The following CRB1 variants were observed in gnomAD, a reference collection of about 807,000 sequenced individuals.
CRB1 encodes the protein crumbs cell polarity complex component 1.
In CRB1, 83 loss-of-function variants were observed where a neutral mutation model predicts 120.0. That is an observed-to-expected ratio of 0.69 (90% CI 0.58 to 0.83). CRB1 has a LOEUF of 0.83. Ranked by LOEUF, CRB1 falls within the 40% of genes least tolerant of loss-of-function variation. The probability of loss-of-function intolerance (pLI) is 0.00; values close to 1 mark genes in which losing one functional copy is unlikely to be tolerated. For synonymous variants in CRB1, 625 were observed against 612.5 expected, an observed-to-expected ratio of 1.02 and a Z score of -0.30; for missense variants, 1,699 against 1,687.6, an observed-to-expected ratio of 1.01 and a Z score of -0.12.
chr1:197,298,565 G>A (rs1418277617), intron 1 of CRB1, among the ~76,000 whole-genome samples: 1 of 152,006 alleles, frequency 6.6e-6, no homozygotes, highest in African/African-American at 2.4e-5. Flanking sequence ...GAATAACAAA[G>A]AATAAAACTG....
the CRB1 span, among the ~76,000 whole-genome samples, chr1:197,246,615 A>G: frequency 6.6e-6 from 1 of 152,056 alleles, no homozygotes; most frequent in Non-Finnish European, 1.5e-5. Flanking sequence ...TGTCTACTAC[A>G]GTTTCCTGGA....
chr1:197,317,535 C>A (rs536086610), intron 1 of CRB1, among the ~76,000 whole-genome samples: 1 of 152,052 alleles, frequency 6.6e-6, no homozygotes, highest in South Asian at 2.1e-4. Context: ...CCCAAATTAC[C>A]CAAGCAATCT....
At chr1:197,417,602 T>G (rs1483321979) in intron 5 of CRB1, among the ~76,000 whole-genome samples, 1 of 152,218 alleles carries the variant, frequency 6.6e-6, no homozygotes, top group African/African-American at 2.4e-5. Flanking sequence ...AACGTCTGCC[T>G]GCCTTCACAG....
At chr1:197,451,891 C>T (rs1665991946) in intron 11 of CRB1, among the ~76,000 whole-genome samples, 3 of 152,140 alleles carry the variant, frequency 2.0e-5, no homozygotes, top group Admixed American at 6.5e-5. Context: ...ACTACATATG[C>T]CACTGAAACA....
At chr1:197,253,226 C>T in the CRB1 span, among the ~76,000 whole-genome samples, 10 of 152,032 alleles carry the variant, frequency 6.6e-5, no homozygotes, top group East Asian at 1.9e-4. Context: ...TTGCTGATTC[C>T]GCAGATAAGT....
intron 5 of CRB1, among the ~76,000 whole-genome samples, chr1:197,392,121 A>G (rs1462960408): frequency 6.6e-6 from 1 of 151,982 alleles, no homozygotes; most frequent in Non-Finnish European, 1.5e-5. Context: ...GCTTCTCACT[A>G]CATGCAATTA....
In CRB1 at chr1:197,421,507, A is replaced by G; in HGVS notation, c.1679A>G (p.His560Arg). The part of the protein sequence containing the change: ...NQSKVLLFIS[H>R]NTSDGEWHFV... The stretch of plus-strand genomic sequence containing the variant: ...TCAAAGGTGCTTCTGTTCATTTCCC[A>G]CAACACCAGCGATGGAGAGTGGCAT... The change falls in exon 6 of 12, where the codon CAC becomes CGC. Residue 560 changes from histidine (H) to arginine (R), a missense_variant. Physicochemically the swap from His to Arg is conservative, Grantham distance 29. Transcript: ENST00000367400. The G allele has an allele frequency of 1.2e-6, 2 of 1,614,140 alleles. No individual in the cohort carries two copies. Among genetic ancestry groups the G allele is most frequent in the Non-Finnish European group, 1.7e-6 (2 of 1,180,008 alleles).
chr1:197,449,729 G>T (rs893514335), intron 11 of CRB1, among the ~76,000 whole-genome samples: 4 of 152,130 alleles, frequency 2.6e-5, no homozygotes, highest in Non-Finnish European at 5.9e-5. Flanking sequence ...TAGTCCTGTA[G>T]CAGTGCCCTC....
the CRB1 span, among the ~76,000 whole-genome samples, chr1:197,218,256 G>A: frequency 4.0e-4 from 61 of 152,278 alleles, no homozygotes; most frequent in South Asian, 0.012. Flanking sequence ...TTGATGTTGT[G>A]TCAGGAAGTA....
At chr1:197,323,850 AC>A (rs1291133382) in intron 1 of CRB1, among the ~76,000 whole-genome samples, 6 of 152,158 alleles carry the variant, frequency 3.9e-5, no homozygotes, top group Non-Finnish European at 8.8e-5. Context: ...GTAAAGGAGG[AC>A]CCAGAAGCTT....
chr1:197,269,223 C>A (rs1235295747), intron 1 of CRB1, among the ~76,000 whole-genome samples: 1 of 152,090 alleles, frequency 6.6e-6, no homozygotes, highest in African/African-American at 2.4e-5. Flanking sequence ...GTCAAAGGGG[C>A]CATGTGATTT....
At chr1:197,271,762 G>A (rs1452419791) in intron 1 of CRB1, among the ~76,000 whole-genome samples, 1 of 151,892 alleles carries the variant, frequency 6.6e-6, no homozygotes, top group East Asian at 1.9e-4. Context: ...TGTTCTGAAG[G>A]GTTTTAAAGA....
chr1:197,251,910 T>G, the CRB1 span, among the ~76,000 whole-genome samples: 1 of 152,062 alleles, frequency 6.6e-6, no homozygotes, highest in East Asian at 1.9e-4. Flanking sequence ...ATATTTTTCC[T>G]TATTTGGGAT....
the CRB1 span, among the ~76,000 whole-genome samples, chr1:197,209,409 G>A: frequency 7.9e-4 from 120 of 152,116 alleles, 2 homozygotes; most frequent in East Asian, 0.022. Flanking sequence ...CAGTGGTGGC[G>A]ATCTTGGCTC....
chr1:197,208,854 G>A, the CRB1 span, among the ~76,000 whole-genome samples: 3 of 152,102 alleles, frequency 2.0e-5, no homozygotes, highest in Admixed American at 6.5e-5. Context: ...TCAGGTGGGG[G>A]TAGGGTTAGG....
chr1:197,307,750 G>A (rs576169045), intron 1 of CRB1, among the ~76,000 whole-genome samples: 2 of 152,188 alleles, frequency 1.3e-5, no homozygotes, highest in Non-Finnish European at 1.5e-5. Flanking sequence ...GAGGTATTAC[G>A]ATGCAGTAGG....
chr1:197,376,442 A>G (rs1571425908), intron 5 of CRB1, among the ~76,000 whole-genome samples: 1 of 152,322 alleles, frequency 6.6e-6, no homozygotes, highest in East Asian at 1.9e-4. Context: ...AAAAATTCAC[A>G]AAACGACAAA....
chr1:197,427,354 T>C (rs1218897103), intron 6 of CRB1, 100 bp from the exon 7 acceptor site: 1 of 877,950 alleles, frequency 1.1e-6, no homozygotes, highest in Admixed American at 1.9e-5. Context: ...TGTGCATGTG[T>C]GTGTGTGAAA....
chr1:197,264,349 G>A (rs899577920), upstream of CRB1, among the ~76,000 whole-genome samples: 23 of 151,986 alleles, frequency 1.5e-4, no homozygotes, highest in African/African-American at 4.3e-4. Context: ...TATATATACC[G>A]TATTTTCTTT....
Sources: gnomAD v4.1 joint callset for allele counts (sites outside exome capture counted in the v4.1 genomes callset) on GRCh38, gnomAD v4.1.1 for gene constraint, MANE v1.5 for transcripts, NCBI Gene and HGNC (gene_info 2026-07-23, HGNC 2026-07-21) for gene names.